TMEM161B: variants seen among roughly 807,000 people sequenced by gnomAD.
The protein encoded by TMEM161B is transmembrane protein 161B.
In TMEM161B, 34 loss-of-function variants were observed where a neutral mutation model predicts 61.8. The ratio of observed to expected loss-of-function variants is 0.55; its 90% CI spans 0.42 to 0.73. The LOEUF is 0.73. TMEM161B is among the 30% of genes least tolerant of loss of function. TMEM161B has a pLI of 0.00. For synonymous variants in TMEM161B, 167 were observed against 192.8 expected, an observed-to-expected ratio of 0.87 and a Z score of 1.11; for missense variants, 456 against 558.5, an observed-to-expected ratio of 0.82 and a Z score of 1.85.
chr5:88,188,397 T>A (rs566612622), downstream of TMEM161B, among the ~76,000 whole-genome samples: 3 of 151,796 alleles, frequency 2.0e-5, no homozygotes, highest in Non-Finnish European at 4.4e-5. Flanking sequence ...ATTACAAGAA[T>A]GAGCCAATGT....
downstream of TMEM161B, among the ~76,000 whole-genome samples, chr5:88,191,651 T>C (rs956736868): frequency 2.0e-5 from 3 of 152,170 alleles, no homozygotes; most frequent in South Asian, 6.2e-4. Context: ...GAGAAATCAG[T>C]TATCAGATTT....
chr5:88,202,761 TCATTAA>T (rs915295126), intron 9 of TMEM161B, 195 bp downstream of exon 9: 9 of 582,032 alleles, frequency 1.5e-5, no homozygotes, highest in South Asian at 4.2e-5. Context: ...AAGGTAATAA[TCATTAA>T]CATTAACTAA....
chr5:88,191,334 T>A (rs1292064153), downstream of TMEM161B, among the ~76,000 whole-genome samples: 1 of 152,176 alleles, frequency 6.6e-6, no homozygotes, highest in Non-Finnish European at 1.5e-5. Flanking sequence ...CATCCAGATA[T>A]CCTATATTAG....
intron 1 of TMEM161B, among the ~76,000 whole-genome samples, chr5:88,263,484 A>G (rs1055431842): frequency 2.6e-5 from 4 of 152,202 alleles, no homozygotes; most frequent in Admixed American, 2.6e-4. Context: ...TTCAAAGCCA[A>G]AAGAATATTC....
At chr5:88,208,274 G>A (rs1745940886) in intron 5 of TMEM161B, among the ~76,000 whole-genome samples, 1 of 151,816 alleles carries the variant, frequency 6.6e-6, no homozygotes, top group Admixed American at 6.6e-5. Context: ...ACGAGGTCAG[G>A]AGATCGAGAC....
At chr5:88,260,799 A>AT (rs1755593081) in intron 1 of TMEM161B, among the ~76,000 whole-genome samples, 1 of 152,164 alleles carries the variant, frequency 6.6e-6, no homozygotes, top group African/African-American at 2.4e-5. Context: ...ATGATTAAGA[A>AT]TTTTTTTAAT....
downstream of TMEM161B, among the ~76,000 whole-genome samples, chr5:88,190,485 A>G (rs1004530089): frequency 6.6e-6 from 1 of 152,122 alleles, no homozygotes; most frequent in Non-Finnish European, 1.5e-5. Flanking sequence ...CTACCTGGAG[A>G]AAGTCCTTTT....
At chr5:88,263,508 T>C (rs1478019072) in intron 1 of TMEM161B, among the ~76,000 whole-genome samples, 2 of 152,218 alleles carry the variant, frequency 1.3e-5, no homozygotes, top group African/African-American at 4.8e-5. Context: ...TCACCATGAC[T>C]GTAAGGATTT....
downstream of TMEM161B, among the ~76,000 whole-genome samples, chr5:88,188,876 G>A (rs577781823): frequency 9.2e-5 from 14 of 152,254 alleles, no homozygotes; most frequent in East Asian, 9.7e-4. Flanking sequence ...CAGTGGCACC[G>A]GCTGGTCTTG....
chr5:88,244,896 T>C (rs993746934), intron 1 of TMEM161B, among the ~76,000 whole-genome samples: 1 of 151,846 alleles, frequency 6.6e-6, no homozygotes, highest in Non-Finnish European at 1.5e-5. Context: ...TTTATTCTTT[T>C]TGTGGCTATT....
At chr5:88,229,329 T>C (rs904985475) in intron 2 of TMEM161B, among the ~76,000 whole-genome samples, 5 of 152,094 alleles carry the variant, frequency 3.3e-5, no homozygotes, top group Non-Finnish European at 7.4e-5. Flanking sequence ...CTCTTAAAAT[T>C]CTAAACTCTG....
rs926009422 is a variant in TMEM161B, at chr5:88,206,516, A to AC, written c.599-18_599-17insG. On this transcript the variant is annotated splice_polypyrimidine_tract_variant and intron_variant, in intron 6 of 11. Transcript: ENST00000296595. Reference sequence around the variant, plus strand: ...TTGTAAACCCTGTGGGGGAAAAAAAAAAAAACAACAGATTACTCTTATCAC... The same window carrying AC: ...TTGTAAACCCTGTGGGGGAAAAAAAACAAAAACAACAGATTACTCTTATCAC... 1.9e-6 allele frequency: 3 copies of AC among 1,556,226 alleles called. No individual in the cohort carries two copies. The highest frequency in any genetic ancestry group is 2.8e-5 in the African/African-American group (2 of 72,116).
chr5:88,218,349 A>G (rs967332351), intron 5 of TMEM161B, among the ~76,000 whole-genome samples: 3 of 152,206 alleles, frequency 2.0e-5, no homozygotes, highest in Admixed American at 6.5e-5. Context: ...ACTCAAGAAC[A>G]TCAGTTCACA....
chr5:88,206,814 T>C (rs1745594702), intron 6 of TMEM161B, among the ~76,000 whole-genome samples: 2 of 152,028 alleles, frequency 1.3e-5, no homozygotes, highest in Non-Finnish European at 2.9e-5. Flanking sequence ...AACGAGACAG[T>C]ATTTTTGGAA....
At chr5:88,221,909 G>A in intron 4 of TMEM161B, 3 of 332,576 alleles carry the variant, frequency 9.0e-6, no homozygotes, top group Admixed American at 7.1e-5. Context: ...TATAGAAAAA[G>A]TATTTTGAAA....
chr5:88,205,966 A>T lies in TMEM161B; in HGVS notation c.660-12T>A, dbSNP rs373537880. On this transcript the variant is annotated splice_polypyrimidine_tract_variant and intron_variant, in intron 7 of 11. Coordinates refer to ENST00000296595, the MANE Select transcript of TMEM161B (RefSeq NM_153354.5). ...TTGAAACAGGACTCCTAAAAATAAAATTTTTTAAAAAGCTGATAAATTTTT... is the reference window on the plus strand; with the variant it reads ...TTGAAACAGGACTCCTAAAAATAAATTTTTTTAAAAAGCTGATAAATTTTT... The T allele has an allele frequency of 6.4e-7, 1 of 1,559,520 alleles. No homozygotes were observed. The highest frequency in any genetic ancestry group is 1.7e-4 in the Middle Eastern group (1 of 5,840).
At chr5:88,193,667 T>C (rs1013995713), downstream of TMEM161B, among the ~76,000 whole-genome samples, 9 of 152,194 alleles carry the variant, frequency 5.9e-5, no homozygotes, top group Non-Finnish European at 1.0e-4. Flanking sequence ...TCTATGTCTT[T>C]TACACCATAT....
downstream of TMEM161B, among the ~76,000 whole-genome samples, chr5:88,192,186 C>T (rs1441742503): frequency 6.6e-6 from 1 of 150,648 alleles, no homozygotes; most frequent in East Asian, 2.0e-4. Context: ...TGTCTTTCCC[C>T]AAACGGGAGA....
chr5:88,231,728 T>G (rs1253182763), intron 2 of TMEM161B, among the ~76,000 whole-genome samples: 2 of 152,210 alleles, frequency 1.3e-5, no homozygotes, highest in Non-Finnish European at 2.9e-5. Context: ...CAGAATTGAT[T>G]CTCGTTATTC....
Sources: gnomAD v4.1 joint callset for allele counts (sites outside exome capture counted in the v4.1 genomes callset) on GRCh38, gnomAD v4.1.1 for gene constraint, MANE v1.5 for transcripts, NCBI Gene and HGNC (gene_info 2026-07-23, HGNC 2026-07-21) for gene names.